ABCC6: variants seen among roughly 807,000 people sequenced by gnomAD.
ABCC6 encodes ATP binding cassette subfamily C member 6, also known as ATP-binding cassette sub-family C member 6.
A neutral mutation model predicts 169.5 loss-of-function variants in ABCC6; 126 were observed. The ratio of observed to expected loss-of-function variants is 0.74; its 90% CI spans 0.64 to 0.86. The LOEUF (loss-of-function observed/expected upper bound fraction) is 0.86, where lower values mean the gene tolerates loss of function less well. Among genes scored for constraint, ABCC6 ranks in the 40% least tolerant of loss-of-function variants. The probability of loss-of-function intolerance (pLI) is 0.00; values close to 1 mark genes in which losing one functional copy is unlikely to be tolerated. For missense variants in ABCC6, 1,733 were observed against 1,927.2 expected (o/e 0.90, Z 1.89); for synonymous variants, 752 against 814.7 (o/e 0.92, Z 1.31).
intron 11 of ABCC6, 71 bp downstream of exon 11, chr16:16,192,759 A>G (rs1178603434): frequency 2.1e-6 from 3 of 1,438,666 alleles, no homozygotes. Flanking sequence ...TCCCCTCCGC[A>G]TCTCCCACAC....
intron 10 of ABCC6, among the ~76,000 whole-genome samples, chr16:16,197,238 C>T (rs990195487): frequency 1.3e-5 from 2 of 151,982 alleles, no homozygotes; most frequent in African/African-American, 4.8e-5. Flanking sequence ...TACTGGGTAC[C>T]CTAATAGCAC....
chr16:16,175,644 T>C (rs1372066850), intron 20 of ABCC6, among the ~76,000 whole-genome samples: 10 of 152,212 alleles, frequency 6.6e-5, no homozygotes. Flanking sequence ...TCCAGCAAGC[T>C]GGCCTCGGCC....
chr16:16,178,091 C>T (rs909253571), intron 18 of ABCC6, among the ~76,000 whole-genome samples: 6 of 151,846 alleles, frequency 4.0e-5, no homozygotes, highest in African/African-American at 1.2e-4. Context: ...TTTGGGAGGC[C>T]GAGGCAGATG....
chr16:16,208,190 T>C (rs566063318), intron 7 of ABCC6, among the ~76,000 whole-genome samples: 164 of 152,224 alleles, frequency 1.1e-3, no homozygotes, highest in South Asian at 7.1e-3. Context: ...AACCTGTTTG[T>C]TCCCCGTTTG....
rs114017587 is a variant in ABCC6 at position 16,159,565 on chromosome 16, A to G, written c.3652T>C (p.Trp1218Arg). The G allele has an allele frequency of 2.5e-6, 4 of 1,613,964 alleles. No individual in the cohort carries two copies. Among genetic ancestry groups the G allele is most frequent in the Non-Finnish European group, 2.5e-6 (3 of 1,179,970 alleles). The change falls in exon 26 of 31, where the codon TGG becomes CGG. Residue 1218 changes from tryptophan (W) to arginine (R), a missense_variant. This residue lies in a region of ABCC6 where 1,601 missense variants were observed against 1,635.5 expected (regional missense o/e 0.98). Coordinates refer to ENST00000205557, the MANE Select transcript of ABCC6 (RefSeq NM_001171.6). The stretch of plus-strand genomic sequence containing the variant: ...AGGTCTGTCCAGTTGCGAACAACCC[A>G]CTGCAGTGTCTGGGTCACCTGGTGC... Reference protein sequence around the residue: ...AALQVTQTLQWVVRNWTDLEN... With the variant: ...AALQVTQTLQRVVRNWTDLEN...
At position 16,190,234 on chromosome 16, in the gene ABCC6, A is replaced by G. The variant is rs1555514895; in HGVS notation, c.1565T>C (p.Leu522Pro). The change falls in exon 12 of 31, where the codon CTG becomes CCG. Residue 522 changes from leucine to proline, a missense_variant. Physicochemically the swap from Leu to Pro is moderately conservative, Grantham distance 98 (BLOSUM62 -3). Around this residue, in one of 5 missense-constraint regions of ABCC6, gnomAD observed 1,601 missense variants for 1,635.5 expected, o/e 0.98. Transcript: ENST00000205557. ...GAGGCCGGAGGTCCGCAAGGCGCCC[A>G]GCTCCTGGCCTCGGATGCCCAGGAC... is the stretch of plus-strand genomic sequence containing the variant. ...DRVLGIRGQE[L>P]GALRTSGLLF... is the part of the protein sequence containing the mutation. 6.2e-7 allele frequency: 1 copy of G among 1,614,114 alleles called. No individual in the cohort carries two copies. The highest frequency in any genetic ancestry group is 8.5e-7 in the Non-Finnish European group (1 of 1,180,020).
chr16:16,157,181 T>C (rs187840155), intron 27 of ABCC6, among the ~76,000 whole-genome samples: 8 of 152,192 alleles, frequency 5.3e-5, no homozygotes, highest in Middle Eastern at 3.4e-3. Context: ...TTAGTAAACA[T>C]TTCTGGAGCA....
rs2046337568 is a variant in ABCC6, at chr16:16,149,709, T to TTAAC, written c.*420_*423dup. ...CGAATCTCTCTATATTATTGTTTCT[T>TTAAC]TAACTGCATGTGAGTCTGGGATTAT... is the stretch of plus-strand genomic sequence containing the variant. On this transcript the variant is annotated 3_prime_UTR_variant, in exon 31 of 31. Coordinates refer to ENST00000205557, the MANE Select transcript of ABCC6 (RefSeq NM_001171.6). 6.0e-6 allele frequency: 2 copies of TTAAC among 332,894 alleles called. No individual in the cohort carries two copies. Among genetic ancestry groups the TTAAC allele is most frequent in the African/African-American group, 4.1e-5 (2 of 49,362 alleles). The allele number at this position is 332,894 out of a possible 1,614,324, so 20.6% of individuals were successfully genotyped here. A position where few individuals can be genotyped will look rare whatever the true frequency, so the allele number is the denominator to read the frequency against.
intron 20 of ABCC6, among the ~76,000 whole-genome samples, chr16:16,174,759 A>ACCCCCCC (rs200038324): frequency 2.3e-3 from 191 of 84,064 alleles, no homozygotes; most frequent in South Asian, 8.9e-3. Context: ...TCTGTCTCAA[A>ACCCCCCC]ACCCCCCCCC....
intron 7 of ABCC6, 82 bp downstream of exon 7, chr16:16,208,646 A>G: frequency 6.2e-7 from 1 of 1,609,032 alleles, no homozygotes; most frequent in Non-Finnish European, 8.5e-7. Flanking sequence ...TGCCGGGATT[A>G]CAGTCGTGAG....
Position 16,163,236 on chromosome 16 carries a change from A to T in ABCC6, c.3307-44T>A, listed in dbSNP as rs369761107. 2.0e-5 allele frequency: 31 copies of T among 1,584,602 alleles called. No individual in the cohort carries two copies. The African/African-American group carries it at 3.8e-4, about 19-fold the overall frequency. On this transcript the variant is annotated intron_variant, in intron 23 of 30. Transcript: ENST00000205557. ...AGAGGGAAGAGGAGAAGCCACAGAC[A>T]TAGAGAGGTAGTTTCCAGAAGCACA...
At chr16:16,158,530 C>A (rs2046620824) in intron 26 of ABCC6, among the ~76,000 whole-genome samples, 1 of 152,196 alleles carries the variant, frequency 6.6e-6, no homozygotes, top group South Asian at 2.1e-4. Flanking sequence ...CTCACCATTT[C>A]TTCTACCCTA....
At chr16:16,173,650 G>A (rs916836830) in intron 20 of ABCC6, among the ~76,000 whole-genome samples, 1 of 151,556 alleles carries the variant, frequency 6.6e-6, no homozygotes, top group Non-Finnish European at 1.5e-5. Context: ...CAATTCACAG[G>A]ATGAACTTAA....
intron 29 of ABCC6, among the ~76,000 whole-genome samples, chr16:16,151,784 G>C (rs1346158142): frequency 2.6e-5 from 4 of 152,148 alleles, no homozygotes; most frequent in Admixed American, 6.6e-5. Context: ...TCAGTGGCTT[G>C]ACCAAGGTCT....
At chr16:16,198,377 A>C (rs1596704931) in intron 9 of ABCC6, among the ~76,000 whole-genome samples, 195 bp from the exon 10 acceptor site, 2 of 152,366 alleles carry the variant, frequency 1.3e-5, no homozygotes, top group African/African-American at 4.8e-5. Context: ...AGATCCCTAA[A>C]GCACGGGAGG....
At chr16:16,194,278 G>T (rs2047962379) in intron 10 of ABCC6, among the ~76,000 whole-genome samples, 1 of 152,222 alleles carries the variant, frequency 6.6e-6, no homozygotes, top group South Asian at 2.1e-4. Context: ...CCTCGCAAGG[G>T]TTGTCAGATT....
Position 16,177,549 on chromosome 16 carries a change from G to A in ABCC6, c.2493C>T (p.Ile831=), listed in dbSNP as rs910811997. The A allele has an allele frequency of 1.2e-6, 2 of 1,614,198 alleles. No homozygotes were observed. Among genetic ancestry groups the A allele is most frequent in the Middle Eastern group, 1.6e-4 (1 of 6,062 alleles). ...DWIIVLANGA[I]AEMGSYQELL... The stretch of plus-strand genomic sequence containing the variant: ...GCTCCTGGTAGGAACCCATCTCTGC[G>A]ATGGCCCCATTTGCCAGCACTATGA... The change falls in exon 19 of 31, where the codon ATC becomes ATT. Residue 831 remains isoleucine (I), a synonymous_variant. Transcript: ENST00000205557.
intron 21 of ABCC6, among the ~76,000 whole-genome samples, chr16:16,170,180 A>G (rs1453334708): frequency 1.3e-5 from 2 of 151,140 alleles, no homozygotes; most frequent in African/African-American, 4.9e-5. Context: ...GGCTCACTGC[A>G]GCCTTGAACT....
At chr16:16,174,760 A>ACCCCC (rs386789398) in intron 20 of ABCC6, among the ~76,000 whole-genome samples, 2,266 of 93,444 alleles carry the variant, frequency 0.024, 45 homozygotes, top group East Asian at 0.07. Context: ...CTGTCTCAAA[A>ACCCCC]CCCCCCCCCG....
Sources: gnomAD v4.1 joint callset for allele counts (sites outside exome capture counted in the v4.1 genomes callset) on GRCh38, gnomAD v4.1.1 for gene constraint, gnomAD v4.1.1 regional missense constraint, MANE v1.5 for transcripts, NCBI Gene and HGNC (gene_info 2026-07-23, HGNC 2026-07-21) for gene names.